The following ARNT2 variants were observed in gnomAD, a reference collection of about 807,000 sequenced individuals.
ARNT2 encodes ARNT protein 2.
Under a neutral mutation model 91.7 loss-of-function variants are expected in ARNT2, and 36 were observed. The ratio of observed to expected loss-of-function variants is 0.39; its 90% confidence interval spans 0.30 to 0.52. ARNT2 has a LOEUF of 0.52. Among genes scored for constraint, ARNT2 ranks in the 20% least tolerant of loss-of-function variants. ARNT2 has a pLI of 0.72. For missense variants in ARNT2, 775 were observed against 939.3 expected, an observed-to-expected ratio of 0.83 and a Z score of 2.29; for synonymous variants, 365 against 347.1, an observed-to-expected ratio of 1.05 and a Z score of -0.57.
intron 2 of ARNT2, 133 bp downstream of exon 2, chr15:80,451,127 C>T (rs1288383077): frequency 5.7e-6 from 5 of 883,800 alleles, no homozygotes; most frequent in South Asian, 1.7e-5. Context: ...TTAACTTTTA[C>T]AAGATTCCTA....
chr15:80,508,288 G>C, intron 6 of ARNT2, 30 bp downstream of exon 6: 7 of 1,610,314 alleles, frequency 4.3e-6, no homozygotes, highest in Non-Finnish European at 5.9e-6. Flanking sequence ...CAGGCCATCA[G>C]GTGGTTGGTT....
intron 2 of ARNT2, among the ~76,000 whole-genome samples, chr15:80,452,902 C>T (rs898899885): frequency 3.9e-5 from 6 of 152,188 alleles, no homozygotes; most frequent in Admixed American, 2.0e-4. Context: ...GGTTGCTCCC[C>T]GAGCTGATGA....
At chr15:80,533,180 A>G (rs898824968) in intron 8 of ARNT2, among the ~76,000 whole-genome samples, 3 of 152,266 alleles carry the variant, frequency 2.0e-5, no homozygotes, top group African/African-American at 7.2e-5. Flanking sequence ...TAGACAGCCA[A>G]GGGCGAGGAT....
At chr15:80,531,214 A>G (rs955109940) in intron 8 of ARNT2, among the ~76,000 whole-genome samples, 1 of 152,186 alleles carries the variant, frequency 6.6e-6, no homozygotes, top group African/African-American at 2.4e-5. Context: ...TTGTTGAAAA[A>G]CTGTCCACTG....
At chr15:80,420,796 G>A (rs16972076) in intron 1 of ARNT2, among the ~76,000 whole-genome samples, 115,133 of 152,054 alleles carry the variant, frequency 0.76, 43,874 homozygotes, top group East Asian at 0.8. Context: ...TGGTAAGAAC[G>A]TAATCACTCC....
chr15:80,482,060 C>T (rs944882459), intron 5 of ARNT2, among the ~76,000 whole-genome samples: 7 of 152,164 alleles, frequency 4.6e-5, no homozygotes, highest in African/African-American at 1.4e-4. Context: ...AGGTGGGTGT[C>T]ACTGCACTCA....
At chr15:80,567,256 C>T (rs1388757767) in intron 12 of ARNT2, among the ~76,000 whole-genome samples, 1 of 151,618 alleles carries the variant, frequency 6.6e-6, no homozygotes, top group African/African-American at 2.4e-5. Context: ...GTGAGAGCCC[C>T]AAAGGGAGAG....
At position 80,581,438 on chromosome 15, in the gene ARNT2, A is replaced by G. The variant is rs745575487; in HGVS notation, c.1918+34A>G. ...GGAATGAGGGAGTGAGATTCTGGGA[A>G]AGCCAGCACAAATGCTTTCTGAACA... On this transcript the variant is annotated intron_variant, in intron 17 of 18. Transcript: ENST00000303329. The G allele has an allele frequency of 2.5e-6, 4 of 1,612,532 alleles. No individual in the cohort carries two copies. The African/African-American group carries it at 4.0e-5, about 16-fold the overall frequency.
At position 80,442,051 on chromosome 15, in the gene ARNT2, G is replaced by C. The variant is rs190244993; in HGVS notation, c.32-8829G>C. Among the ~76,000 whole-genome samples the C allele has an allele frequency of 7.0e-4, 106 of 152,346 alleles. 1 individual carries two copies. Among genetic ancestry groups the C allele is most frequent in the Non-Finnish European group, 7.3e-5 (5 of 68,032 alleles). ...GGTTATGATCAGGGATCTGAGCAGA[G>C]ATCTAGACAAGAGCGTTGCATTTGA... On this transcript the variant is annotated intron_variant, in intron 1 of 18. Transcript: ENST00000303329.
intron 8 of ARNT2, among the ~76,000 whole-genome samples, chr15:80,533,071 G>A (rs1897764204): frequency 6.6e-6 from 1 of 152,216 alleles, no homozygotes; most frequent in Non-Finnish European, 1.5e-5. Context: ...CGGCTCCATG[G>A]CCAGGGGCTG....
chr15:80,571,100 C>A (rs146261751), intron 12 of ARNT2, among the ~76,000 whole-genome samples: 1 of 152,302 alleles, frequency 6.6e-6, no homozygotes, highest in African/African-American at 2.4e-5. Context: ...TCTCCAGGGG[C>A]AGAAGTTGTT....
chr15:80,545,592 A>G (rs1197879237), intron 8 of ARNT2, among the ~76,000 whole-genome samples: 1 of 152,212 alleles, frequency 6.6e-6, no homozygotes, highest in Non-Finnish European at 1.5e-5. Flanking sequence ...GTCCATTGAT[A>G]TGCAACTGGT....
intron 5 of ARNT2, among the ~76,000 whole-genome samples, chr15:80,486,267 T>G (rs930003845): frequency 6.6e-6 from 1 of 152,210 alleles, no homozygotes; most frequent in African/African-American, 2.4e-5. Context: ...ACAAAGACTT[T>G]CTTTCCAAAT....
chr15:80,577,500 G>A (rs573314248), intron 15 of ARNT2, among the ~76,000 whole-genome samples: 2 of 152,340 alleles, frequency 1.3e-5, no homozygotes, highest in African/African-American at 4.8e-5. Context: ...TGGAGGCAAG[G>A]CCTGGCTCCA....
At chr15:80,580,645 G>A (rs997148354) in intron 16 of ARNT2, 96 bp downstream of exon 16, 10 of 1,523,752 alleles carry the variant, frequency 6.6e-6, no homozygotes, top group Admixed American at 1.9e-5. Context: ...AGGATGGGTC[G>A]GCTCCTAGCT....
intron 1 of ARNT2, among the ~76,000 whole-genome samples, chr15:80,407,644 G>T (rs1222045878): frequency 6.6e-6 from 1 of 152,036 alleles, no homozygotes; most frequent in African/African-American, 2.4e-5. Flanking sequence ...TTTTCTCTCT[G>T]GCCAGGAATG....
intron 11 of ARNT2, among the ~76,000 whole-genome samples, chr15:80,561,180 G>A (rs1172039197): frequency 6.6e-6 from 1 of 152,192 alleles, no homozygotes; most frequent in Non-Finnish European, 1.5e-5. Context: ...CCACAAGTGT[G>A]GCGGGTGTGA....
rs771137910 is a variant in ARNT2, at chr15:80,404,496, G to T, written c.-20G>T. On this transcript the variant is annotated 5_prime_UTR_variant, in exon 1 of 19. Coordinates refer to ENST00000303329, the MANE Select transcript of ARNT2 (RefSeq NM_014862.4). This position sits in a 1 kb window ranked among gnomAD's most constrained non-coding sequence, Gnocchi z 5.5. Reference sequence around the variant, plus strand: ...CCTCCCGCGCCCCTGCCAAGCGGGCGCCTATCCTCTCCGAGCAAGATGGCA... The same window carrying T: ...CCTCCCGCGCCCCTGCCAAGCGGGCTCCTATCCTCTCCGAGCAAGATGGCA... 9.9e-5 allele frequency: 122 copies of T among 1,237,542 alleles called. No homozygotes were observed. The African/African-American group carries it at 1.7e-3, about 18-fold the overall frequency. The allele number at this position is 1,237,542 out of a possible 1,614,324, so 76.7% of individuals were successfully genotyped here.
intron 1 of ARNT2, chr15:80,441,252 G>A: frequency 1.0e-6 from 1 of 985,368 alleles, no homozygotes; most frequent in African/African-American, 1.7e-5. Flanking sequence ...CATTTTCTCA[G>A]CAGAATACAA....
Sources: gnomAD v4.1 joint callset for allele counts (sites outside exome capture counted in the v4.1 genomes callset) on GRCh38, gnomAD v4.1.1 for gene constraint, Gnocchi (gnomAD v3.1) non-coding constraint, MANE v1.5 for transcripts, NCBI Gene and HGNC (gene_info 2026-07-23, HGNC 2026-07-21) for gene names.